Variants in UNC13C observed in about 807,000 individuals in gnomAD.
UNC13C encodes the protein unc-13 homolog C.
A neutral mutation model predicts 245.4 loss-of-function variants in UNC13C; 174 were observed. The ratio of observed to expected loss-of-function variants is 0.71; its 90% CI spans 0.63 to 0.80. UNC13C has a LOEUF of 0.80. UNC13C is among the 30% of genes least tolerant of loss of function. UNC13C has a pLI of 0.00. For synonymous variants in UNC13C, 992 were observed against 895.1 expected (o/e 1.11, Z -1.93); for missense variants, 2,829 against 2,602.9 (o/e 1.09, Z -1.89).
chr15:53,989,243 A>G (rs942123888), intron 1 of UNC13C, among the ~76,000 whole-genome samples: 1 of 151,850 alleles, frequency 6.6e-6, no homozygotes, highest in Admixed American at 6.6e-5. Flanking sequence ...TCTCAATTGC[A>G]TTTATCGATG....
intron 14 of UNC13C, among the ~76,000 whole-genome samples, chr15:54,323,072 T>A (rs1046809867): frequency 2.0e-5 from 3 of 151,770 alleles, no homozygotes; most frequent in African/African-American, 7.3e-5. Context: ...CATGGCACAA[T>A]GTTGTTTCCA....
At chr15:53,998,654 T>C (rs1894744252) in intron 1 of UNC13C, among the ~76,000 whole-genome samples, 1 of 152,166 alleles carries the variant, frequency 6.6e-6, no homozygotes, top group South Asian at 2.1e-4. Flanking sequence ...CAATGTTAAA[T>C]ACAGGTGGTG....
intron 30 of UNC13C, among the ~76,000 whole-genome samples, chr15:54,613,024 ATTATTAT>A (rs1900205293): frequency 6.6e-6 from 1 of 151,860 alleles, no homozygotes; most frequent in Admixed American, 6.6e-5. Flanking sequence ...AAATTAGGAG[ATTATTAT>A]TTGTCTCTCA....
the UNC13C span, among the ~76,000 whole-genome samples, chr15:53,892,744 A>T: frequency 6.6e-5 from 10 of 151,934 alleles, no homozygotes; most frequent in Non-Finnish European, 1.5e-4. Flanking sequence ...TGTTCTCTAA[A>T]CTGGTTATTC....
intron 2 of UNC13C, among the ~76,000 whole-genome samples, chr15:54,062,210 T>A (rs1437965167): frequency 2.0e-5 from 3 of 151,614 alleles, no homozygotes; most frequent in Non-Finnish European, 2.9e-5. Flanking sequence ...TCCCAGCTAC[T>A]CGGGAGGCTA....
chr15:54,573,742 G>A (rs977615027), intron 30 of UNC13C, among the ~76,000 whole-genome samples: 2 of 152,216 alleles, frequency 1.3e-5, no homozygotes, highest in African/African-American at 4.8e-5. Context: ...TGGAGTGGTG[G>A]TCATGTTACT....
chr15:53,895,482 T>C, the UNC13C span, among the ~76,000 whole-genome samples: 1 of 151,874 alleles, frequency 6.6e-6, no homozygotes, highest in Admixed American at 6.6e-5. Context: ...TGAATGTTCA[T>C]AAATTGATAA....
chr15:54,199,298 G>T (rs1039737910), intron 4 of UNC13C, among the ~76,000 whole-genome samples: 2 of 152,082 alleles, frequency 1.3e-5, no homozygotes, highest in African/African-American at 4.8e-5. Context: ...ACCTTCCCCA[G>T]CCTTGCTAGA....
intron 13 of UNC13C, among the ~76,000 whole-genome samples, chr15:54,306,747 G>A (rs2037735958): frequency 6.6e-6 from 1 of 151,940 alleles, no homozygotes. Context: ...CTCTACAATA[G>A]CAAAGGAGAG....
At chr15:54,593,578 T>C (rs189703893) in intron 30 of UNC13C, among the ~76,000 whole-genome samples, 5 of 152,172 alleles carry the variant, frequency 3.3e-5, no homozygotes, top group African/African-American at 1.2e-4. Context: ...AAAGACCTTA[T>C]CTTTGAGCTC....
intron 24 of UNC13C, among the ~76,000 whole-genome samples, chr15:54,524,010 CAT>C (rs1213055616): frequency 6.6e-6 from 1 of 152,158 alleles, no homozygotes; most frequent in East Asian, 1.9e-4. Context: ...GGAAAATCCA[CAT>C]ATGTTTTCTT....
rs2035725449 is a variant in UNC13C, at chr15:54,237,234, G to A, written c.3157-385G>A. Reference sequence around the variant, plus strand: ...GATTCAGGGCCATCACCAAAGTCAGGCTGGCTCTCTACCAAAGGTTATGTA... The same window carrying A: ...GATTCAGGGCCATCACCAAAGTCAGACTGGCTCTCTACCAAAGGTTATGTA... On this transcript the variant is annotated intron_variant, in intron 6 of 32. Transcript: ENST00000260323. Among the ~76,000 whole-genome samples the A allele has an allele frequency of 2.0e-5, 3 of 152,102 alleles. 1 individual carries two copies. The highest frequency in any genetic ancestry group is 4.2e-4 in the South Asian group (2 of 4,814).
At chr15:54,338,959 G>A (rs1011756816) in intron 17 of UNC13C, among the ~76,000 whole-genome samples, 20 of 152,060 alleles carry the variant, frequency 1.3e-4, no homozygotes, top group Non-Finnish European at 2.5e-4. Context: ...CTCTGCCTCC[G>A]GGGTTCAAGC....
chr15:53,953,230 A>G, the UNC13C span, among the ~76,000 whole-genome samples: 2 of 151,930 alleles, frequency 1.3e-5, no homozygotes, highest in African/African-American at 4.8e-5. Context: ...GTGTGGAAAA[A>G]CCTCCATTAA....
intron 4 of UNC13C, among the ~76,000 whole-genome samples, chr15:54,208,794 G>A (rs2034791639): frequency 6.6e-6 from 1 of 152,024 alleles, no homozygotes; most frequent in Non-Finnish European, 1.5e-5. Flanking sequence ...ACAATAAATA[G>A]CCATAAACTA....
At chr15:54,547,387 T>C (rs1440462169) in intron 27 of UNC13C, among the ~76,000 whole-genome samples, 1 of 152,150 alleles carries the variant, frequency 6.6e-6, no homozygotes, top group Admixed American at 6.6e-5. Flanking sequence ...GGCTGCAAAA[T>C]TAGACACTGG....
intron 30 of UNC13C, among the ~76,000 whole-genome samples, chr15:54,587,570 G>T (rs942381747): frequency 3.3e-5 from 5 of 152,144 alleles, no homozygotes; most frequent in Non-Finnish European, 7.3e-5. Flanking sequence ...CAGCCTTCAG[G>T]ACCTCAGTAC....
At chr15:54,197,503 A>G (rs1428076324) in intron 4 of UNC13C, among the ~76,000 whole-genome samples, 1 of 152,072 alleles carries the variant, frequency 6.6e-6, no homozygotes, top group Non-Finnish European at 1.5e-5. Context: ...ATTTAGAAAG[A>G]CGCTGGATAG....
intron 4 of UNC13C, among the ~76,000 whole-genome samples, chr15:54,211,559 G>A (rs1158867279): frequency 6.6e-6 from 1 of 152,062 alleles, no homozygotes; most frequent in Admixed American, 6.6e-5. Context: ...AGGGAAATAT[G>A]TCTACAGTTT....
Sources: allele counts gnomAD v4.1 joint callset (sites outside exome capture counted in the v4.1 genomes callset), GRCh38; gene constraint gnomAD v4.1.1; transcripts MANE v1.5; gene names NCBI Gene and HGNC (gene_info 2026-07-23, HGNC 2026-07-21).